MINDY3: variants seen among roughly 807,000 people sequenced by gnomAD.
The protein encoded by MINDY3 is MINDY lysine 48 deubiquitinase 3.
In MINDY3, 38 loss-of-function variants were observed where a neutral mutation model predicts 69.2. The ratio of observed to expected loss-of-function variants is 0.55; its 90% CI spans 0.42 to 0.72. MINDY3 has a LOEUF of 0.72. Among genes scored for constraint, MINDY3 ranks in the 30% least tolerant of loss-of-function variants. MINDY3 has a pLI of 0.00. For synonymous variants in MINDY3, 192 were observed against 180.1 expected, an observed-to-expected ratio of 1.07 and a Z score of -0.53; for missense variants, 522 against 519.0, an observed-to-expected ratio of 1.01 and a Z score of -0.06.
At chr10:15,813,108 T>C (rs1446900334) in intron 10 of MINDY3, among the ~76,000 whole-genome samples, 2 of 152,198 alleles carry the variant, frequency 1.3e-5, no homozygotes, top group South Asian at 2.1e-4. Flanking sequence ...GTGAATTTAA[T>C]CCTGTTCCCT....
At chr10:15,842,448 T>C (rs1417186184) in intron 3 of MINDY3, among the ~76,000 whole-genome samples, 1 of 151,918 alleles carries the variant, frequency 6.6e-6, no homozygotes, top group Non-Finnish European at 1.5e-5. Flanking sequence ...ATTTCAAAAA[T>C]AGTATCTCAA....
intron 13 of MINDY3, among the ~76,000 whole-genome samples, chr10:15,783,908 A>G (rs1836747396): frequency 6.6e-6 from 1 of 152,222 alleles, no homozygotes; most frequent in African/African-American, 2.4e-5. Flanking sequence ...TAACTGGCAT[A>G]AAATACAGAA....
At chr10:15,851,247 G>C (rs550890198) in intron 1 of MINDY3, among the ~76,000 whole-genome samples, 1 of 152,184 alleles carries the variant, frequency 6.6e-6, no homozygotes, top group South Asian at 2.1e-4. Context: ...TATTTTTCCT[G>C]AGTAATCTCA....
chr10:15,823,882 T>A lies in MINDY3; in HGVS notation c.731-2156A>T, dbSNP rs367858904. ...ATCAAATTTGTTTAGATCCCACATA[T>A]AAGTAAGAGCGTGTGATTTTGTCTT... On this transcript the variant is annotated intron_variant, in intron 8 of 14. Transcript: ENST00000277632. Among the ~76,000 whole-genome samples, 27 of 152,320 alleles carry A rather than the reference T, an allele frequency of 1.8e-4. No individual in the cohort carries two copies. In the East Asian group the frequency reaches 5.0e-3, roughly 28 times the overall value.
chr10:15,838,138 T>C, intron 5 of MINDY3, 90 bp downstream of exon 5: 1 of 1,377,086 alleles, frequency 7.3e-7, no homozygotes. Context: ...CATTTCTATG[T>C]AAAACTAAGA....
At chr10:15,815,841 T>A (rs1277340257) in intron 10 of MINDY3, among the ~76,000 whole-genome samples, 2 of 152,196 alleles carry the variant, frequency 1.3e-5, no homozygotes, top group Non-Finnish European at 2.9e-5. Flanking sequence ...TGTTAAGAAG[T>A]GGCAAGGCTG....
At position 15,860,134 on chromosome 10, in the gene MINDY3, G is replaced by C. The variant is rs1295214814; in HGVS notation, c.94+72C>G. 2.3e-5 allele frequency: 26 copies of C among 1,137,312 alleles called. No individual in the cohort carries two copies. In the East Asian group the frequency reaches 6.1e-4, roughly 27 times the overall value. The allele number at this position is 1,137,312 out of a possible 1,614,324, so 70.5% of individuals were successfully genotyped here. ...CGGGGCACGCGAGGGGCTGGAGCGA[G>C]AGGCGTCACAGGCGGACTCTCGCAG... On this transcript the variant is annotated intron_variant, in intron 1 of 14. Transcript: ENST00000277632.
chr10:15,838,264 T>G lies in MINDY3; in HGVS notation c.425A>C (p.Glu142Ala). The G allele has an allele frequency of 6.2e-7, 1 of 1,603,806 alleles. No homozygotes were observed. The highest frequency in any genetic ancestry group is 8.5e-7 in the Non-Finnish European group (1 of 1,176,102). Residue 142 changes from glutamate (E) to alanine (A), a missense_variant, in exon 5 of 15, where the codon GAA (glutamate) becomes GCA (alanine). Glu to Ala is a moderately radical substitution (Grantham distance 107, BLOSUM62 -1). Transcript: ENST00000277632. ...ATGAAATCGCTCAAAGCCAAGCTCT[T>G]CGACAGCCAAGGCAGCTATACATAA... ...QVEHSSALAV[E>A]ELGFERFHAL...
At chr10:15,853,046 G>T (rs1564534938) in intron 1 of MINDY3, among the ~76,000 whole-genome samples, 3 of 152,042 alleles carry the variant, frequency 2.0e-5, no homozygotes, top group Admixed American at 6.6e-5. Context: ...ATGGATTTTG[G>T]TATCTGCAGG....
chr10:15,832,385 G>C (rs1169117338), intron 8 of MINDY3, among the ~76,000 whole-genome samples: 2 of 152,082 alleles, frequency 1.3e-5, no homozygotes, highest in Non-Finnish European at 2.9e-5. Flanking sequence ...AGCCATCACA[G>C]GTGACAGAGA....
chr10:15,784,081 C>G (rs1479057734), intron 13 of MINDY3, among the ~76,000 whole-genome samples: 1 of 152,046 alleles, frequency 6.6e-6, no homozygotes, highest in South Asian at 2.1e-4. Context: ...CAAAAAATTC[C>G]TGAATCAGCT....
chr10:15,810,471 G>A (rs1838921008), intron 10 of MINDY3, among the ~76,000 whole-genome samples: 2 of 152,124 alleles, frequency 1.3e-5, no homozygotes, highest in Non-Finnish European at 2.9e-5. Flanking sequence ...GGTCAGGTAG[G>A]ATAGCAAAAG....
At chr10:15,859,761 T>C (rs1438023079) in intron 1 of MINDY3, among the ~76,000 whole-genome samples, 1 of 152,206 alleles carries the variant, frequency 6.6e-6, no homozygotes, top group Non-Finnish European at 1.5e-5. Flanking sequence ...TTTTTGGAAT[T>C]AGCCACTTGG....
chr10:15,834,684 G>T, intron 6 of MINDY3, 68 bp from the exon 7 acceptor site: 1 of 1,086,220 alleles, frequency 9.2e-7, no homozygotes, highest in South Asian at 1.3e-5. Flanking sequence ...TTTAAAAACT[G>T]ACTAGTTTAC....
intron 8 of MINDY3, among the ~76,000 whole-genome samples, chr10:15,829,305 G>A (rs1013104794): frequency 5.3e-5 from 8 of 152,258 alleles, no homozygotes; most frequent in East Asian, 1.9e-4. Flanking sequence ...AGGCAGAGCC[G>A]TCTGAATAGA....
chr10:15,778,874 A>G lies in MINDY3; in HGVS notation c.*118T>C. 1 of 761,658 alleles carries G rather than the reference A, an allele frequency of 1.3e-6. No individual in the cohort carries two copies. The highest frequency in any genetic ancestry group is 2.0e-6 in the Non-Finnish European group (1 of 494,336). The allele number at this position is 761,658 out of a possible 1,614,324, so 47.2% of individuals were successfully genotyped here. On this transcript the variant is annotated 3_prime_UTR_variant, in exon 15 of 15. Transcript: ENST00000277632. ...CATAAACACTGAAAATGTGTTTTTA[A>G]TTGTTATTTACAGTTAATCAGTGAT...
chr10:15,803,840 CA>C (rs1342789074), intron 10 of MINDY3, among the ~76,000 whole-genome samples: 1 of 152,060 alleles, frequency 6.6e-6, no homozygotes, highest in African/African-American at 2.4e-5. Context: ...ACCACACACA[CA>C]AAAAACCCCA....
intron 2 of MINDY3, among the ~76,000 whole-genome samples, chr10:15,844,497 T>A (rs1445257314): frequency 6.6e-6 from 1 of 152,216 alleles, no homozygotes; most frequent in Admixed American, 6.5e-5. Context: ...TTCTACAGAA[T>A]TCGTAAGCAT....
chr10:15,856,851 G>A (rs1256271796), intron 1 of MINDY3, among the ~76,000 whole-genome samples: 3 of 152,056 alleles, frequency 2.0e-5, no homozygotes, highest in East Asian at 1.9e-4. Context: ...CACTCTGTCC[G>A]CTTCTTACCA....
Sources: allele counts gnomAD v4.1 joint callset (sites outside exome capture counted in the v4.1 genomes callset), GRCh38; gene constraint gnomAD v4.1.1; transcripts MANE v1.5; gene names NCBI Gene and HGNC (gene_info 2026-07-23, HGNC 2026-07-21).